FBXW4: variants seen among roughly 807,000 people sequenced by gnomAD.
FBXW4 encodes the protein F-box and WD repeat domain containing 4, also known as F-box/WD repeat-containing protein 4.
A neutral mutation model predicts 61.8 loss-of-function variants in FBXW4; 40 were observed. The ratio of observed to expected loss-of-function variants is 0.65; its 90% CI spans 0.50 to 0.84. The LOEUF (loss-of-function observed/expected upper bound fraction) is 0.84, where lower values mean the gene tolerates loss of function less well. Ranked by LOEUF, FBXW4 falls within the 40% of genes least tolerant of loss-of-function variation. FBXW4 has a pLI of 0.00. For synonymous variants in FBXW4, 311 were observed against 313.8 expected (o/e 0.99, Z 0.10); for missense variants, 672 against 753.8 (o/e 0.89, Z 1.27).
chr10:101,676,708 TGG>T, intron 1 of FBXW4: 1 of 31,582 alleles, frequency 3.2e-5, no homozygotes, highest in Non-Finnish European at 5.3e-5. Context: ...ATGTCCAGAT[TGG>T]GAAAAAAAAA....
intron 1 of FBXW4, among the ~76,000 whole-genome samples, chr10:101,680,612 A>G (rs1195418101): frequency 6.6e-6 from 1 of 152,262 alleles, no homozygotes; most frequent in African/African-American, 2.4e-5. Flanking sequence ...GTTTACAGGC[A>G]TGTACATTAA....
At chr10:101,680,226 A>G (rs923407623) in intron 1 of FBXW4, among the ~76,000 whole-genome samples, 2 of 152,252 alleles carry the variant, frequency 1.3e-5, no homozygotes, top group African/African-American at 2.4e-5. Flanking sequence ...GGTGAATTTA[A>G]AAGTTTAACT....
At chr10:101,615,361 A>G (rs1258380988) in intron 6 of FBXW4, among the ~76,000 whole-genome samples, 3 of 152,060 alleles carry the variant, frequency 2.0e-5, no homozygotes, top group African/African-American at 4.8e-5. Context: ...AGGATCCACT[A>G]AGGGCTGGGG....
Position 101,628,951 on chromosome 10 carries a change from C to A in FBXW4, c.1236-4141G>T, listed in dbSNP as rs2063928575. 2.0e-5 allele frequency among the ~76,000 whole-genome samples: 3 copies of A among 152,214 alleles called. No individual in the cohort carries two copies. The South Asian group carries it at 6.2e-4, about 32-fold the overall frequency. On this transcript the variant is annotated intron_variant, in intron 5 of 8. Coordinates refer to ENST00000331272, the MANE Select transcript of FBXW4 (RefSeq NM_022039.4). ...ACTCGTCCCCTGGCCCTAGCTCAGG[C>A]AAACCTGGCATCATGCAGACTATCA... is the stretch of plus-strand genomic sequence containing the variant.
intron 1 of FBXW4, among the ~76,000 whole-genome samples, chr10:101,687,079 C>G (rs1276834594): frequency 6.6e-6 from 1 of 152,144 alleles, no homozygotes; most frequent in African/African-American, 2.4e-5. Context: ...GGTTAGTGAG[C>G]AGGGGAAATA....
chr10:101,625,047 C>T (rs907877728), intron 5 of FBXW4: 53 of 584,018 alleles, frequency 9.1e-5, no homozygotes, highest in Non-Finnish European at 1.4e-4. Context: ...ACAGCTGGGC[C>T]TGCTGCACAG....
intron 1 of FBXW4, among the ~76,000 whole-genome samples, chr10:101,686,408 A>C (rs2064534073): frequency 6.6e-6 from 1 of 152,140 alleles, no homozygotes; most frequent in Non-Finnish European, 1.5e-5. Flanking sequence ...TTAGTTTTTC[A>C]AGAATCCCAC....
At chr10:101,628,712 T>C (rs933722555) in intron 5 of FBXW4, among the ~76,000 whole-genome samples, 4 of 152,010 alleles carry the variant, frequency 2.6e-5, no homozygotes, top group African/African-American at 9.7e-5. Flanking sequence ...CACAACCAGG[T>C]AAGAGATGAG....
intron 5 of FBXW4, among the ~76,000 whole-genome samples, chr10:101,637,489 C>A (rs1254515299): frequency 6.7e-6 from 1 of 150,006 alleles, no homozygotes; most frequent in African/African-American, 2.5e-5. Context: ...GGGCAGATCA[C>A]TTGAGGCTAG....
chr10:101,649,836 C>A (rs2064131622), intron 5 of FBXW4, among the ~76,000 whole-genome samples: 1 of 152,244 alleles, frequency 6.6e-6, no homozygotes, highest in Non-Finnish European at 1.5e-5. Flanking sequence ...GAAGACACAG[C>A]CCCTTTCTAA....
intron 5 of FBXW4, chr10:101,625,076 T>G (rs1488953713): frequency 1.9e-6 from 1 of 531,374 alleles, no homozygotes; most frequent in African/African-American, 1.9e-5. Context: ...GAGTGGTCTC[T>G]GCACACCATA....
At chr10:101,659,827 G>T (rs2064225730) in intron 5 of FBXW4, among the ~76,000 whole-genome samples, 1 of 152,112 alleles carries the variant, frequency 6.6e-6, no homozygotes, top group Admixed American at 6.5e-5. Flanking sequence ...CACTTTTTAG[G>T]ACCAAAGGAC....
chr10:101,681,398 AAAT>A (rs757513556), intron 1 of FBXW4, among the ~76,000 whole-genome samples: 98 of 136,052 alleles, frequency 7.2e-4, no homozygotes, highest in African/African-American at 2.0e-3. Context: ...CAAAAAAAAA[AAAT>A]AATAATAATA....
intron 5 of FBXW4, among the ~76,000 whole-genome samples, chr10:101,661,412 A>G (rs2064243412): frequency 6.6e-6 from 1 of 152,290 alleles, no homozygotes; most frequent in East Asian, 1.9e-4. Flanking sequence ...GATGGATATG[A>G]CTGTCTGAGA....
chr10:101,663,922 G>A (rs753771935), intron 5 of FBXW4, among the ~76,000 whole-genome samples: 5 of 152,284 alleles, frequency 3.3e-5, no homozygotes, highest in South Asian at 2.1e-4. Flanking sequence ...CAGGATTACC[G>A]GTGTTGAACA....
rs1360284614 is a variant in FBXW4, at chr10:101,611,716, T to C, written c.1496A>G (p.Gln499Arg). The C allele has an allele frequency of 6.2e-7, 1 of 1,614,188 alleles. No individual in the cohort carries two copies. Among genetic ancestry groups the C allele is most frequent in the Non-Finnish European group, 8.5e-7 (1 of 1,180,028 alleles). Reference protein sequence around the residue: ...EPHDSTLYCLQTDGNHLLATG... With the variant: ...EPHDSTLYCLRTDGNHLLATG... The stretch of plus-strand genomic sequence containing the variant: ...GGCCAGCAGGTGGTTGCCATCTGTC[T>C]GCAGGCAGTACAGGGTGCTGTCGTG... The change falls in exon 8 of 9, where the codon CAG (glutamine) becomes CGG (arginine). Residue 499 changes from glutamine to arginine, a missense_variant. This residue lies in a region of FBXW4 where 312 missense variants were observed against 370.1 expected (regional missense o/e 0.84). Coordinates refer to ENST00000331272, the MANE Select transcript of FBXW4 (RefSeq NM_022039.4). This position sits in a 1 kb window ranked among gnomAD's most constrained non-coding sequence, Gnocchi z 4.9.
At chr10:101,625,378 G>C (rs1257015346) in intron 5 of FBXW4, 2 of 155,688 alleles carry the variant, frequency 1.3e-5, no homozygotes, top group Non-Finnish European at 2.8e-5. Flanking sequence ...CCCTTGGATG[G>C]GTATATGCTA....
intron 4 of FBXW4, among the ~76,000 whole-genome samples, chr10:101,672,452 C>G (rs1391922248): frequency 1.3e-5 from 2 of 152,224 alleles, no homozygotes; most frequent in Admixed American, 6.5e-5. Flanking sequence ...CTGCTGCTTA[C>G]TGACCACATC....
intron 1 of FBXW4, among the ~76,000 whole-genome samples, chr10:101,688,233 C>T (rs1310806739): frequency 6.6e-6 from 1 of 152,184 alleles, no homozygotes; most frequent in East Asian, 1.9e-4. Flanking sequence ...TGGCAGTCTG[C>T]TCTTGTCATT....
Sources: allele counts gnomAD v4.1 joint callset (sites outside exome capture counted in the v4.1 genomes callset), GRCh38; gene constraint gnomAD v4.1.1; regional missense constraint gnomAD v4.1.1; non-coding constraint Gnocchi (gnomAD v3.1); transcripts MANE v1.5; gene names NCBI Gene and HGNC (gene_info 2026-07-23, HGNC 2026-07-21).